The following CDH12 variants were observed in gnomAD, a reference collection of about 807,000 sequenced individuals.
CDH12 encodes the protein cadherin-12.
CDH12 carries 41 observed loss-of-function variants against 74.1 expected under a neutral mutation model. The observed-to-expected ratio is 0.55, with a 90% CI of 0.43 to 0.72. The LOEUF is 0.72. CDH12 is among the 30% of genes least tolerant of loss of function. CDH12 has a pLI of 0.00. For synonymous variants in CDH12, 399 were observed against 355.0 expected (o/e 1.12, Z -1.39); for missense variants, 945 against 977.2 (o/e 0.97, Z 0.44).
intron 1 of CDH12, among the ~76,000 whole-genome samples, chr5:22,574,851 A>T (rs1739707563): frequency 1.3e-5 from 2 of 152,126 alleles, no homozygotes; most frequent in South Asian, 4.1e-4. Flanking sequence ...GTACTTTGTG[A>T]TGTTTATTAT....
chr5:22,701,570 A>T (rs916569189), intron 1 of CDH12, among the ~76,000 whole-genome samples: 1 of 152,112 alleles, frequency 6.6e-6, no homozygotes, highest in African/African-American at 2.4e-5. Flanking sequence ...ATTCTCCCTA[A>T]GTAAGATCTA....
intron 1 of CDH12, among the ~76,000 whole-genome samples, chr5:22,784,617 A>G (rs181546852): frequency 3.9e-5 from 6 of 152,244 alleles, no homozygotes; most frequent in Admixed American, 3.9e-4. Flanking sequence ...TGGCAAACTC[A>G]TCAATCTACC....
chr5:22,512,084 G>A (rs555192236), intron 1 of CDH12, among the ~76,000 whole-genome samples: 2 of 151,940 alleles, frequency 1.3e-5, no homozygotes, highest in East Asian at 1.9e-4. Flanking sequence ...AACACCCAAG[G>A]GGAACAATCA....
chr5:22,055,902 T>C (rs140942440), intron 5 of CDH12, among the ~76,000 whole-genome samples: 327 of 152,270 alleles, frequency 2.1e-3, no homozygotes, highest in Non-Finnish European at 3.5e-3. Context: ...GACAAATTTT[T>C]AGTTAGTGCA....
At chr5:22,139,028 C>A (rs2150295602) in intron 4 of CDH12, among the ~76,000 whole-genome samples, 1 of 150,398 alleles carries the variant, frequency 6.6e-6, no homozygotes, top group Middle Eastern at 3.5e-3. Context: ...ACTTTTCTCC[C>A]AATAATTTGA....
At chr5:22,345,191 T>C (rs1019384656) in intron 3 of CDH12, among the ~76,000 whole-genome samples, 1 of 152,128 alleles carries the variant, frequency 6.6e-6, no homozygotes, top group Non-Finnish European at 1.5e-5. Flanking sequence ...CAAATCACTT[T>C]AGATTTTTTA....
At chr5:21,847,210 C>T (rs1328696061) in intron 7 of CDH12, among the ~76,000 whole-genome samples, 2 of 152,118 alleles carry the variant, frequency 1.3e-5, no homozygotes, top group Admixed American at 6.6e-5. Context: ...CAGCCTTGCA[C>T]ACTGTCTTCC....
chr5:22,001,691 C>T (rs531700232), intron 5 of CDH12, among the ~76,000 whole-genome samples: 1 of 152,040 alleles, frequency 6.6e-6, no homozygotes, highest in South Asian at 2.1e-4. Flanking sequence ...TTTGTATCCA[C>T]CTGTACTCAT....
At chr5:22,092,587 CAT>C (rs759249915) in intron 4 of CDH12, among the ~76,000 whole-genome samples, 112 of 152,122 alleles carry the variant, frequency 7.4e-4, no homozygotes, top group Non-Finnish European at 1.2e-3. Context: ...AGAAAAATAA[CAT>C]AGTAACAAAT....
chr5:22,062,041 G>A (rs960519497), intron 5 of CDH12, among the ~76,000 whole-genome samples: 1 of 152,102 alleles, frequency 6.6e-6, no homozygotes, highest in Non-Finnish European at 1.5e-5. Context: ...ACAGCAGGAG[G>A]AGAGAAGAAA....
chr5:21,774,732 C>G (rs139947499), intron 11 of CDH12, among the ~76,000 whole-genome samples: 1 of 151,994 alleles, frequency 6.6e-6, no homozygotes, highest in South Asian at 2.1e-4. Context: ...TCATGTAAAA[C>G]AAGGCATTTA....
At chr5:22,192,272 T>C (rs1750351467) in intron 4 of CDH12, among the ~76,000 whole-genome samples, 1 of 152,144 alleles carries the variant, frequency 6.6e-6, no homozygotes, top group African/African-American at 2.4e-5. Context: ...TACAGGTCTT[T>C]GAAGATATAC....
chr5:21,968,203 C>G (rs1372198816), intron 6 of CDH12, among the ~76,000 whole-genome samples: 1 of 152,218 alleles, frequency 6.6e-6, no homozygotes, highest in Non-Finnish European at 1.5e-5. Flanking sequence ...GAATGATCAT[C>G]AAACTCTTAT....
At chr5:22,836,925 A>T (rs1419228168) in intron 1 of CDH12, among the ~76,000 whole-genome samples, 1 of 152,184 alleles carries the variant, frequency 6.6e-6, no homozygotes, top group Admixed American at 6.6e-5. Flanking sequence ...ACTATCATTT[A>T]ATGAGAGATA....
chr5:22,788,951 T>C (rs1747778109), intron 1 of CDH12, among the ~76,000 whole-genome samples: 2 of 151,820 alleles, frequency 1.3e-5, no homozygotes, highest in African/African-American at 4.8e-5. Flanking sequence ...ATATACCATA[T>C]TTAAAACTCA....
At chr5:21,873,890 A>G (rs1325478435) in intron 6 of CDH12, among the ~76,000 whole-genome samples, 1 of 17,700 alleles carries the variant, frequency 5.6e-5, no homozygotes, top group Non-Finnish European at 1.2e-4. Flanking sequence ...TTTTCTGAGG[A>G]TAATAGCTTC....
At chr5:22,812,517 G>T (rs899419198) in intron 1 of CDH12, among the ~76,000 whole-genome samples, 1 of 152,168 alleles carries the variant, frequency 6.6e-6, no homozygotes, top group Non-Finnish European at 1.5e-5. Flanking sequence ...CCCTACATAA[G>T]TTTACAGATT....
At chr5:22,829,726 C>G (rs1736498216) in intron 1 of CDH12, among the ~76,000 whole-genome samples, 1 of 152,124 alleles carries the variant, frequency 6.6e-6, no homozygotes, top group Non-Finnish European at 1.5e-5. Context: ...CTTATGCATC[C>G]CCAGAATAAA....
chr5:22,435,473 C>A (rs1259804885), intron 2 of CDH12, among the ~76,000 whole-genome samples: 1 of 145,662 alleles, frequency 6.9e-6, no homozygotes, highest in Non-Finnish European at 1.5e-5. Context: ...TGTGTACACA[C>A]ACATATATAT....
Sources: allele counts gnomAD v4.1 joint callset (sites outside exome capture counted in the v4.1 genomes callset), GRCh38; gene constraint gnomAD v4.1.1; transcripts MANE v1.5; gene names NCBI Gene and HGNC (gene_info 2026-07-23, HGNC 2026-07-21).